SMAD3: variants seen among roughly 807,000 people sequenced by gnomAD.
The protein encoded by SMAD3 is MAD homolog 3.
In SMAD3, 12 loss-of-function variants were observed where a neutral mutation model predicts 51.8. The ratio of observed to expected loss-of-function variants is 0.23; its 90% CI spans 0.15 to 0.38. The LOEUF (loss-of-function observed/expected upper bound fraction) is 0.38. Ranked by LOEUF, SMAD3 falls within the 10% of genes least tolerant of loss-of-function variation. The pLI is 1.00. For synonymous variants in SMAD3, 238 were observed against 227.7 expected (o/e 1.05, Z -0.41); for missense variants, 294 against 565.6 (o/e 0.52, Z 4.87).
chr15:67,120,087 G>A (rs1961225481), intron 1 of SMAD3, among the ~76,000 whole-genome samples: 1 of 152,226 alleles, frequency 6.6e-6, no homozygotes. Context: ...GTGAGCCACT[G>A]TCCCTGGCCA....
At chr15:67,125,025 G>A (rs1022934014) in intron 1 of SMAD3, among the ~76,000 whole-genome samples, 1 of 152,236 alleles carries the variant, frequency 6.6e-6, no homozygotes, top group African/African-American at 2.4e-5. Flanking sequence ...GTCTGCTTAT[G>A]GGCACCCCAC....
At chr15:67,079,954 G>GCT (rs1366525717) in intron 1 of SMAD3, among the ~76,000 whole-genome samples, 1 of 152,250 alleles carries the variant, frequency 6.6e-6, no homozygotes, top group African/African-American at 2.4e-5. Context: ...TGCCACTGAA[G>GCT]CTCTACACCT....
At chr15:67,167,619 CT>C (rs1962626901) in intron 4 of SMAD3, among the ~76,000 whole-genome samples, 1 of 152,158 alleles carries the variant, frequency 6.6e-6, no homozygotes, top group Non-Finnish European at 1.5e-5. Flanking sequence ...GTGGAGACCC[CT>C]GAAGCCAGTA....
intron 1 of SMAD3, among the ~76,000 whole-genome samples, chr15:67,136,689 C>G (rs12916244): frequency 0.067 from 10,268 of 152,252 alleles, 350 homozygotes; most frequent in African/African-American, 0.079. Flanking sequence ...CTTCCCTCCC[C>G]ACTTTAACAT....
At chr15:67,134,231 C>T (rs561315985) in intron 1 of SMAD3, among the ~76,000 whole-genome samples, 1 of 152,182 alleles carries the variant, frequency 6.6e-6, no homozygotes, top group East Asian at 1.9e-4. Context: ...CACCACTGCA[C>T]ATTGAGAATC....
intron 1 of SMAD3, among the ~76,000 whole-genome samples, chr15:67,086,278 T>C (rs1156817905): frequency 6.6e-6 from 1 of 152,202 alleles, no homozygotes; most frequent in East Asian, 1.9e-4. Flanking sequence ...TACTCCCTGC[T>C]GCTTTGGTGA....
chr15:67,092,621 A>AGCTGGGGGCAGGATACTGAGGAGGGT (rs2140215583), intron 1 of SMAD3, among the ~76,000 whole-genome samples: 1 of 152,296 alleles, frequency 6.6e-6, no homozygotes, highest in Admixed American at 6.5e-5. Context: ...ACCGTGTGGA[A>AGCTGGGGGCAGGATACTGAGGAGGGT]GCTGGGGGCA....
chr15:67,185,980 G>T (rs1323352256), intron 7 of SMAD3, among the ~76,000 whole-genome samples: 1 of 152,276 alleles, frequency 6.6e-6, no homozygotes, highest in Non-Finnish European at 1.5e-5. Context: ...AATGCAGAAA[G>T]TCTGAAATGA....
chr15:67,183,840 G>T (rs759775128), intron 6 of SMAD3, among the ~76,000 whole-genome samples: 48 of 152,156 alleles, frequency 3.2e-4, no homozygotes, highest in Non-Finnish European at 5.9e-4. Context: ...TAAACCTCTG[G>T]AATGTTTTAG....
At chr15:67,171,371 C>T (rs1050734533) in intron 5 of SMAD3, among the ~76,000 whole-genome samples, 2 of 152,264 alleles carry the variant, frequency 1.3e-5, no homozygotes, top group Admixed American at 6.5e-5. Flanking sequence ...ATTTTCTAAC[C>T]CAGTAGGGTC....
rs138907970 is a variant in SMAD3 at position 67,098,376 on chromosome 15, A to AAGCAAGCC, written c.206+32019_206+32020insAAGCCAGC. Among the ~76,000 whole-genome samples, 7 of 149,898 alleles carry AAGCAAGCC rather than the reference A, an allele frequency of 4.7e-5. 1 individual carries two copies. The highest frequency in any genetic ancestry group is 9.8e-5 in the African/African-American group (4 of 40,860). On this transcript the variant is annotated intron_variant, in intron 1 of 8. Coordinates refer to ENST00000327367, the MANE Select transcript of SMAD3 (RefSeq NM_005902.4). ...AGAGCGAGCGAGCAAGCAAGCAAGC[A>AAGCAAGCC]AGCCAGCAGGATTTGGAATCGTCCC...
chr15:67,135,011 G>T (rs1445557183), intron 1 of SMAD3, among the ~76,000 whole-genome samples: 1 of 152,184 alleles, frequency 6.6e-6, no homozygotes, highest in African/African-American at 2.4e-5. Flanking sequence ...GTACCCAGGG[G>T]GTCCTGTGCT....
intron 1 of SMAD3, among the ~76,000 whole-genome samples, chr15:67,088,892 A>G (rs1015038176): frequency 1.3e-5 from 2 of 152,188 alleles, no homozygotes; most frequent in Non-Finnish European, 2.9e-5. Flanking sequence ...ACGCCACTGC[A>G]CTTGAGCCTG....
chr15:67,111,058 G>T (rs1041893765), intron 1 of SMAD3, among the ~76,000 whole-genome samples: 1 of 152,166 alleles, frequency 6.6e-6, no homozygotes, highest in Non-Finnish European at 1.5e-5. Context: ...GGTTTTTAGT[G>T]TATTAATGGA....
Position 67,181,436 on chromosome 15 carries a change from TGACACGGA to T in SMAD3, c.860_867del (p.Arg287HisfsTer21). ...GTCAACAGGAATGCAGCAGTGGAGCTGACACGGAGACACATCGGTATGGGGTGGCTCCA... is the reference window on the plus strand; with the variant it reads ...GTCAACAGGAATGCAGCAGTGGAGCTGACACATCGGTATGGGGTGGCTCCA... On this transcript the variant is annotated frameshift_variant, in exon 6 of 9. Coordinates refer to ENST00000327367, the MANE Select transcript of SMAD3 (RefSeq NM_005902.4). LOFTEE classifies it high-confidence loss of function. 1 of 1,613,526 alleles carries T rather than the reference TGACACGGA, an allele frequency of 6.2e-7. No individual in the cohort carries two copies. The highest frequency in any genetic ancestry group is 8.5e-7 in the Non-Finnish European group (1 of 1,179,980).
intron 5 of SMAD3, among the ~76,000 whole-genome samples, chr15:67,180,427 C>G (rs530071708): frequency 1.3e-5 from 2 of 151,882 alleles, no homozygotes; most frequent in South Asian, 4.2e-4. Context: ...GAACCAGCCC[C>G]TTGTAGAATG....
chr15:67,155,564 AT>A (rs893646508), intron 1 of SMAD3, among the ~76,000 whole-genome samples: 10 of 152,170 alleles, frequency 6.6e-5, no homozygotes, highest in African/African-American at 2.2e-4. Flanking sequence ...CACAAGCAGA[AT>A]TTTTTTCTGC....
intron 1 of SMAD3, among the ~76,000 whole-genome samples, chr15:67,161,898 C>G (rs1447483581): frequency 1.3e-5 from 2 of 152,128 alleles, no homozygotes; most frequent in Admixed American, 1.3e-4. Flanking sequence ...TCCTTTACCC[C>G]AGGTCTTATG....
At chr15:67,095,726 G>A (rs2140218528) in intron 1 of SMAD3, among the ~76,000 whole-genome samples, 1 of 152,196 alleles carries the variant, frequency 6.6e-6, no homozygotes, top group South Asian at 2.1e-4. Flanking sequence ...GTAGACGTGG[G>A]GTTTCACCAT....
Sources: allele counts gnomAD v4.1 joint callset (sites outside exome capture counted in the v4.1 genomes callset), GRCh38; gene constraint gnomAD v4.1.1; transcripts MANE v1.5; gene names NCBI Gene and HGNC (gene_info 2026-07-23, HGNC 2026-07-21).